NPAS3: variants seen among roughly 807,000 people sequenced by gnomAD.
NPAS3 encodes the protein neuronal PAS domain-containing protein 3.
A neutral mutation model predicts 73.1 loss-of-function variants in NPAS3; 14 were observed. That is an observed-to-expected ratio of 0.19 (90% CI 0.13 to 0.30). The LOEUF (loss-of-function observed/expected upper bound fraction) is 0.30, where lower values mean the gene tolerates loss of function less well. Ranked by LOEUF, NPAS3 falls within the 10% of genes least tolerant of loss-of-function variation. The probability of loss-of-function intolerance (pLI) is 1.00; values close to 1 mark genes in which losing one functional copy is unlikely to be tolerated. For synonymous variants in NPAS3, 620 were observed against 541.5 expected (o/e 1.14, Z -2.01); for missense variants, 1,096 against 1,250.0 (o/e 0.88, Z 1.86).
intron 1 of NPAS3, among the ~76,000 whole-genome samples, chr14:32,996,003 T>C (rs1434403043): frequency 6.6e-6 from 1 of 152,140 alleles, no homozygotes; most frequent in African/African-American, 2.4e-5. Flanking sequence ...CCTAGAGACT[T>C]GTTAAATGGC....
chr14:33,422,093 C>T (rs1281585108), intron 4 of NPAS3, among the ~76,000 whole-genome samples: 1 of 151,818 alleles, frequency 6.6e-6, no homozygotes, highest in Non-Finnish European at 1.5e-5. Flanking sequence ...ATTTGGTGTC[C>T]TTAGTGAATT....
At chr14:33,229,474 C>CA (rs1317738339) in intron 3 of NPAS3, among the ~76,000 whole-genome samples, 2 of 152,192 alleles carry the variant, frequency 1.3e-5, no homozygotes, top group Non-Finnish European at 2.9e-5. Flanking sequence ...GGCTCAGAGT[C>CA]ACGTGCTCAC....
At chr14:33,265,257 G>C (rs2049127033) in intron 3 of NPAS3, among the ~76,000 whole-genome samples, 1 of 152,170 alleles carries the variant, frequency 6.6e-6, no homozygotes, top group Non-Finnish European at 1.5e-5. Context: ...CTGAAACTCT[G>C]TCACTGAACT....
At chr14:33,542,593 T>A (rs1197772554) in intron 4 of NPAS3, among the ~76,000 whole-genome samples, 2 of 152,116 alleles carry the variant, frequency 1.3e-5, no homozygotes, top group African/African-American at 4.8e-5. Context: ...AAAGTGGCAA[T>A]CCCCAGAACT....
chr14:33,550,582 T>C (rs1345566450), intron 4 of NPAS3, among the ~76,000 whole-genome samples: 2 of 152,242 alleles, frequency 1.3e-5, no homozygotes, highest in Non-Finnish European at 2.9e-5. Flanking sequence ...AAGAGCTCTG[T>C]GGACAGGCAG....
intron 2 of NPAS3, among the ~76,000 whole-genome samples, chr14:33,104,544 T>C (rs1006161792): frequency 2.0e-5 from 3 of 152,192 alleles, no homozygotes; most frequent in Admixed American, 2.0e-4. Context: ...CATCTTACAT[T>C]CAGAGAACAT....
intron 5 of NPAS3, among the ~76,000 whole-genome samples, chr14:33,606,242 T>G (rs907240622): frequency 2.1e-4 from 21 of 98,086 alleles, no homozygotes; most frequent in Admixed American, 9.6e-4. Context: ...CCCCACAACA[T>G]TCCCCAGAGT....
intron 1 of NPAS3, among the ~76,000 whole-genome samples, chr14:33,050,959 CA>C (rs2040680740): frequency 6.6e-6 from 1 of 152,166 alleles, no homozygotes; most frequent in Non-Finnish European, 1.5e-5. Context: ...CCATTTTTCA[CA>C]TGAGGAAGCT....
intron 2 of NPAS3, among the ~76,000 whole-genome samples, chr14:33,159,015 T>C (rs1024960900): frequency 6.6e-6 from 1 of 151,932 alleles, no homozygotes; most frequent in Non-Finnish European, 1.5e-5. Context: ...ATACAAAAAT[T>C]ACCTGGGCAT....
chr14:33,346,074 T>C (rs1234325774), intron 3 of NPAS3, among the ~76,000 whole-genome samples: 1 of 151,140 alleles, frequency 6.6e-6, no homozygotes, highest in African/African-American at 2.4e-5. Context: ...CTACTAAAAA[T>C]ACAAAAAATT....
chr14:33,605,561 A>G (rs1454853265), intron 5 of NPAS3, among the ~76,000 whole-genome samples: 1 of 152,184 alleles, frequency 6.6e-6, no homozygotes, highest in Non-Finnish European at 1.5e-5. Context: ...ATCAATATAC[A>G]AAAATCAAGT....
chr14:33,500,971 A>C (rs918238484), intron 4 of NPAS3, among the ~76,000 whole-genome samples: 1 of 149,898 alleles, frequency 6.7e-6, no homozygotes, highest in Non-Finnish European at 1.5e-5. Context: ...ACAACTTATA[A>C]AATAAAAACC....
intron 4 of NPAS3, among the ~76,000 whole-genome samples, chr14:33,542,028 G>C (rs1411347239): frequency 6.6e-6 from 1 of 152,132 alleles, no homozygotes; most frequent in East Asian, 1.9e-4. Context: ...CTCTCACCCT[G>C]AACTATGTTT....
intron 1 of NPAS3, among the ~76,000 whole-genome samples, chr14:33,038,238 A>G (rs2040234942): frequency 6.6e-6 from 1 of 152,172 alleles, no homozygotes; most frequent in Non-Finnish European, 1.5e-5. Flanking sequence ...CTTTATTTCC[A>G]TGGCAGATAG....
intron 3 of NPAS3, among the ~76,000 whole-genome samples, chr14:33,328,410 T>G (rs1477871839): frequency 1.3e-5 from 2 of 149,950 alleles, no homozygotes; most frequent in Non-Finnish European, 3.0e-5. Context: ...TCTATTTTAT[T>G]TATTGATGTT....
chr14:33,172,279 A>T (rs1199404991), intron 2 of NPAS3, among the ~76,000 whole-genome samples: 1 of 152,220 alleles, frequency 6.6e-6, no homozygotes, highest in Non-Finnish European at 1.5e-5. Flanking sequence ...AGCACAGTAT[A>T]TGTGGTGCAC....
At chr14:32,939,980 G>A (rs1055336310) in intron 1 of NPAS3, among the ~76,000 whole-genome samples, 1 of 152,208 alleles carries the variant, frequency 6.6e-6, no homozygotes, top group Non-Finnish European at 1.5e-5. Context: ...CCTGCCTCCC[G>A]GGCTGCGCCC....
At chr14:33,092,657 C>A (rs1390076622) in intron 2 of NPAS3, among the ~76,000 whole-genome samples, 1 of 152,176 alleles carries the variant, frequency 6.6e-6, no homozygotes. Flanking sequence ...GCCCGCATTG[C>A]CAAGTCAATC....
chr14:33,133,153 A>G (rs1020425863), intron 2 of NPAS3, among the ~76,000 whole-genome samples: 9 of 152,182 alleles, frequency 5.9e-5, no homozygotes, highest in African/African-American at 1.2e-4. Context: ...TCATGTTATC[A>G]TCATATAATT....
Sources: gnomAD v4.1 joint callset for allele counts (sites outside exome capture counted in the v4.1 genomes callset) on GRCh38, gnomAD v4.1.1 for gene constraint, MANE v1.5 for transcripts, NCBI Gene and HGNC (gene_info 2026-07-23, HGNC 2026-07-21) for gene names.